The following USP13 variants were observed in gnomAD, a reference collection of about 807,000 sequenced individuals.
The protein encoded by USP13 is ubiquitin specific peptidase 13.
USP13 carries 68 observed loss-of-function variants against 107.8 expected under a neutral mutation model. That is an observed-to-expected ratio of 0.63 (90% CI 0.52 to 0.77). The LOEUF (loss-of-function observed/expected upper bound fraction) is 0.77. Ranked by LOEUF, USP13 falls within the 30% of genes least tolerant of loss-of-function variation. The pLI is 0.00. For synonymous variants in USP13, 377 were observed against 389.5 expected (o/e 0.97, Z 0.38); for missense variants, 945 against 1,093.3 (o/e 0.86, Z 1.91).
chr3:179,669,700 G>A (rs1016704134), intron 1 of USP13, among the ~76,000 whole-genome samples: 1 of 152,176 alleles, frequency 6.6e-6, no homozygotes, highest in Admixed American at 6.5e-5. Flanking sequence ...CACTTGAAAT[G>A]TGGCCAGTGC....
intron 19 of USP13, among the ~76,000 whole-genome samples, chr3:179,773,117 T>C (rs1313965721): frequency 6.6e-6 from 1 of 152,076 alleles, no homozygotes; most frequent in South Asian, 2.1e-4. Context: ...TGGGACCTGG[T>C]GGGAGGTGTT....
chr3:179,655,577 T>TC (rs1193030096), intron 1 of USP13, among the ~76,000 whole-genome samples: 1 of 149,160 alleles, frequency 6.7e-6, no homozygotes, highest in Non-Finnish European at 1.5e-5. Context: ...GTTTTTTTTT[T>TC]GAGTTTTGCT....
intron 1 of USP13, among the ~76,000 whole-genome samples, chr3:179,666,646 C>T (rs1226586354): frequency 2.6e-5 from 4 of 152,188 alleles, no homozygotes; most frequent in Non-Finnish European, 5.9e-5. Context: ...TCTCCTGCCC[C>T]GCAGGAAAGC....
chr3:179,705,078 G>A (rs527711514), intron 4 of USP13, among the ~76,000 whole-genome samples: 4 of 152,316 alleles, frequency 2.6e-5, no homozygotes, highest in African/African-American at 9.6e-5. Flanking sequence ...GAGAGGTGGG[G>A]TTGGAGTGGA....
Position 179,788,598 on chromosome 3 carries a change from T to C in USP13, c.*4457T>C, listed in dbSNP as rs894484848. On this transcript the variant is annotated 3_prime_UTR_variant, in exon 21 of 21. Coordinates refer to ENST00000263966, the MANE Select transcript of USP13 (RefSeq NM_003940.3). ...CATGCTGAAATGACACTATTTTGGA[T>C]GTACTAAGTAAAATATTAACAATTT... The C allele has an allele frequency of 2.0e-5, 3 of 152,234 alleles. No homozygotes were observed. The highest frequency in any genetic ancestry group is 1.9e-4 in the East Asian group (1 of 5,204). The allele number at this position is 152,234 out of a possible 1,614,324, so 9.4% of individuals were successfully genotyped here. A position where few individuals can be genotyped will look rare whatever the true frequency, so the allele number is the denominator to read the frequency against.
Position 179,653,645 on chromosome 3 carries a change from A to G in USP13, c.168+252A>G, listed in dbSNP as rs1720159507. Reference sequence around the variant, plus strand: ...AAGGGCCCGATTCCCAGCAGCTTGCACACAGCCCCGCCGCCGTTTAAAGAT... The same window carrying G: ...AAGGGCCCGATTCCCAGCAGCTTGCGCACAGCCCCGCCGCCGTTTAAAGAT... On this transcript the variant is annotated intron_variant, in intron 1 of 20. Transcript: ENST00000263966. The surrounding 1 kb of genome is among the most constrained non-coding windows in gnomAD (Gnocchi z 4.0). 4.0e-6 allele frequency: 2 copies of G among 501,908 alleles called. No homozygotes were observed. The highest frequency in any genetic ancestry group is 4.0e-5 in the African/African-American group (2 of 49,906). 31.1% of individuals were successfully genotyped at this position (501,908 alleles called of 1,614,324 possible).
chr3:179,701,055 G>T lies in USP13; in HGVS notation c.403G>T (p.Asp135Tyr). 1 of 1,614,022 alleles carries T rather than the reference G, an allele frequency of 6.2e-7. No homozygotes were observed. Residue 135 changes from aspartate to tyrosine, a missense_variant, in exon 4 of 21, where the codon GAT becomes TAT. Coordinates refer to ENST00000263966, the MANE Select transcript of USP13 (RefSeq NM_003940.3). ...AAATAGCGACGATTATGAATATGAA[G>T]ATGAAGCCAAACTTGTTATATTCCC... ...DLNSDDYEYE[D>Y]EAKLVIFPDH... is the part of the protein sequence containing the mutation.
intron 16 of USP13, among the ~76,000 whole-genome samples, chr3:179,757,880 C>A (rs16830809): frequency 2.6e-5 from 4 of 152,164 alleles, no homozygotes; most frequent in African/African-American, 7.2e-5. Context: ...TCTTCACATG[C>A]AACCTGGTAG....
intron 11 of USP13, among the ~76,000 whole-genome samples, chr3:179,740,740 C>T (rs538686270): frequency 9.2e-5 from 14 of 151,890 alleles, no homozygotes; most frequent in Non-Finnish European, 1.8e-4. Flanking sequence ...GATGAGTCTG[C>T]TTACATCAGA....
At chr3:179,700,930 G>A (rs1712493318) in intron 3 of USP13, 78 bp from the exon 4 acceptor site, 5 of 1,493,312 alleles carry the variant, frequency 3.3e-6, no homozygotes, top group Non-Finnish European at 4.5e-6. Context: ...TGGATTTCTG[G>A]CTTTTCCAGT....
At chr3:179,726,949 G>T (rs534194739) in intron 8 of USP13, among the ~76,000 whole-genome samples, 3 of 152,076 alleles carry the variant, frequency 2.0e-5, no homozygotes, top group African/African-American at 7.2e-5. Flanking sequence ...AAAGTACTGG[G>T]ATTACAGGTG....
intron 12 of USP13, among the ~76,000 whole-genome samples, chr3:179,744,344 T>G (rs1461803972): frequency 9.7e-6 from 1 of 103,568 alleles, no homozygotes; most frequent in Non-Finnish European, 2.1e-5. Context: ...GGTGGTTCTG[T>G]TTTTTTTTTT....
At chr3:179,691,694 C>T (rs974081306) in intron 3 of USP13, among the ~76,000 whole-genome samples, 3 of 152,124 alleles carry the variant, frequency 2.0e-5, no homozygotes, top group Admixed American at 2.0e-4. Context: ...TTTTGTTTCT[C>T]CTCAAAGTTT....
chr3:179,686,195 C>T (rs551241176), intron 2 of USP13, among the ~76,000 whole-genome samples: 53 of 152,262 alleles, frequency 3.5e-4, no homozygotes, highest in Non-Finnish European at 6.8e-4. Flanking sequence ...TCTATACATT[C>T]CTTGGTATCC....
intron 1 of USP13, among the ~76,000 whole-genome samples, chr3:179,667,064 C>G (rs1428897708): frequency 6.6e-6 from 1 of 152,236 alleles, no homozygotes; most frequent in East Asian, 1.9e-4. Flanking sequence ...TGGAACTCTC[C>G]TCTCCCTAGC....
At chr3:179,756,448 A>AC (rs1714804349) in intron 15 of USP13, among the ~76,000 whole-genome samples, 2 of 146,234 alleles carry the variant, frequency 1.4e-5, no homozygotes, top group African/African-American at 5.1e-5. Flanking sequence ...AAACAAACAA[A>AC]AAATACAGAG....
chr3:179,653,485 C>G lies in USP13; in HGVS notation c.168+92C>G. 1 of 1,470,946 alleles carries G rather than the reference C, an allele frequency of 6.8e-7. No individual in the cohort carries two copies. Among genetic ancestry groups the G allele is most frequent in the South Asian group, 1.3e-5 (1 of 75,370 alleles). 91.1% of individuals were successfully genotyped at this position (1,470,946 alleles called of 1,614,324 possible). On this transcript the variant is annotated intron_variant, in intron 1 of 20. Transcript: ENST00000263966. This position sits in a 1 kb window ranked among gnomAD's most constrained non-coding sequence, Gnocchi z 4.0. The stretch of plus-strand genomic sequence containing the variant: ...AGATGCGCAGTGGCGGCCGGGACCT[C>G]TTCTCTTCCTCCGGGCGGCAGAGTT...
At chr3:179,688,342 G>A (rs903474800) in intron 2 of USP13, among the ~76,000 whole-genome samples, 10 of 152,120 alleles carry the variant, frequency 6.6e-5, no homozygotes, top group African/African-American at 1.9e-4. Context: ...TCCTCCTTAC[G>A]ATATGACTGT....
chr3:179,748,839 A>T (rs1260803414), intron 13 of USP13, among the ~76,000 whole-genome samples: 1 of 152,186 alleles, frequency 6.6e-6, no homozygotes, highest in Admixed American at 6.5e-5. Context: ...TTGGTATGCA[A>T]CCTTGGCCAA....
Sources: gnomAD v4.1 joint callset for allele counts (sites outside exome capture counted in the v4.1 genomes callset) on GRCh38, gnomAD v4.1.1 for gene constraint, Gnocchi (gnomAD v3.1) non-coding constraint, MANE v1.5 for transcripts, NCBI Gene and HGNC (gene_info 2026-07-23, HGNC 2026-07-21) for gene names.